NCKAP5: variants seen among roughly 807,000 people sequenced by gnomAD.
NCKAP5 encodes the protein NCK associated protein 5, also known as nck-associated protein 5.
Under a neutral mutation model 167.0 loss-of-function variants are expected in NCKAP5, and 92 were observed. The ratio of observed to expected loss-of-function variants is 0.55; its 90% CI spans 0.47 to 0.66. The LOEUF (loss-of-function observed/expected upper bound fraction) is 0.66, where lower values mean the gene tolerates loss of function less well. Ranked by LOEUF, NCKAP5 falls within the 30% of genes least tolerant of loss-of-function variation. The pLI is 0.00. For missense variants in NCKAP5, 2,378 were observed against 2,315.0 expected (o/e 1.03, Z -0.56); for synonymous variants, 891 against 877.4 (o/e 1.02, Z -0.27).
the NCKAP5 span, among the ~76,000 whole-genome samples, chr2:133,622,765 A>G: frequency 6.6e-6 from 1 of 152,106 alleles, no homozygotes; most frequent in Admixed American, 6.6e-5. Context: ...TGCAGTTCTC[A>G]TGACAATACC....
chr2:133,269,301 A>G (rs1199812070), intron 4 of NCKAP5, among the ~76,000 whole-genome samples: 1 of 152,234 alleles, frequency 6.6e-6, no homozygotes, highest in Non-Finnish European at 1.5e-5. Context: ...AAAAGAGTAC[A>G]TAAGTAAATT....
intron 4 of NCKAP5, among the ~76,000 whole-genome samples, chr2:133,263,395 C>T (rs1341892291): frequency 6.6e-6 from 1 of 151,872 alleles, no homozygotes; most frequent in Non-Finnish European, 1.5e-5. Flanking sequence ...CAGACCTTGC[C>T]CTAGGATTAC....
Position 132,783,895 on chromosome 2 carries a change from C to A in NCKAP5, c.2916G>T (p.Pro972=). The change falls in exon 14 of 20, where the codon CCG becomes CCT. Residue 972 remains proline (P), a synonymous_variant. Transcript: ENST00000409261. ...SETARTPFKS[P]LLKGISAPVI... ...CTGGAGCAGAAATTCCTTTCAGCAG[C>A]GGGGATTTGAATGGGGTCCTTGCTG... 6.5e-7 allele frequency: 1 copy of A among 1,541,808 alleles called. No individual in the cohort carries two copies. Among genetic ancestry groups the A allele is most frequent in the Non-Finnish European group, 8.7e-7 (1 of 1,148,602 alleles).
chr2:133,566,612 C>G (rs566021312), intron 1 of NCKAP5, among the ~76,000 whole-genome samples: 3 of 152,242 alleles, frequency 2.0e-5, no homozygotes, highest in Admixed American at 6.5e-5. Flanking sequence ...CGTGTGGGTC[C>G]CATTTCTTTT....
chr2:133,324,246 G>C (rs1199206919), intron 3 of NCKAP5, among the ~76,000 whole-genome samples: 1 of 152,204 alleles, frequency 6.6e-6, no homozygotes. Context: ...TGGCTCAAGG[G>C]AATCATAAAC....
At chr2:132,896,394 C>T (rs190710689) in intron 8 of NCKAP5, among the ~76,000 whole-genome samples, 175 of 152,310 alleles carry the variant, frequency 1.1e-3, no homozygotes, top group South Asian at 1.7e-3. Flanking sequence ...TCATACACCA[C>T]CCTTGTTCCT....
chr2:133,240,484 G>C (rs920945940), intron 4 of NCKAP5, among the ~76,000 whole-genome samples: 29 of 152,236 alleles, frequency 1.9e-4, no homozygotes, highest in African/African-American at 7.0e-4. Flanking sequence ...CTGCATAACT[G>C]ATTTATTTTT....
chr2:133,457,253 A>G (rs1691916065), intron 3 of NCKAP5, among the ~76,000 whole-genome samples: 1 of 152,188 alleles, frequency 6.6e-6, no homozygotes, highest in Admixed American at 6.5e-5. Flanking sequence ...TAATCATGTA[A>G]TCATCTTTCC....
chr2:133,531,781 T>A (rs968795841), intron 2 of NCKAP5, among the ~76,000 whole-genome samples: 6 of 152,224 alleles, frequency 3.9e-5, no homozygotes, highest in African/African-American at 1.4e-4. Context: ...GTTTCATTTT[T>A]AAAAAGTTAA....
chr2:133,607,454 G>T, the NCKAP5 span, among the ~76,000 whole-genome samples: 1 of 152,088 alleles, frequency 6.6e-6, no homozygotes, highest in African/African-American at 2.4e-5. Context: ...CTCTGTTAGA[G>T]AAATTGACTC....
chr2:133,559,622 G>A (rs1308374444), intron 1 of NCKAP5, among the ~76,000 whole-genome samples: 1 of 152,154 alleles, frequency 6.6e-6, no homozygotes, highest in Non-Finnish European at 1.5e-5. Flanking sequence ...CCCAGCTACT[G>A]TTGAAATTAC....
chr2:133,366,126 C>G (rs1685444120), intron 3 of NCKAP5, among the ~76,000 whole-genome samples: 1 of 152,042 alleles, frequency 6.6e-6, no homozygotes, highest in Admixed American at 6.6e-5. Context: ...TTTGTGAGCA[C>G]ATTTTTTGAT....
intron 8 of NCKAP5, among the ~76,000 whole-genome samples, chr2:132,942,047 T>C (rs1697339535): frequency 6.6e-6 from 1 of 152,182 alleles, no homozygotes; most frequent in South Asian, 2.1e-4. Context: ...TTAATTTTGG[T>C]AAGTCAACAA....
intron 19 of NCKAP5, among the ~76,000 whole-genome samples, chr2:132,690,276 A>C (rs1386966819): frequency 6.6e-6 from 1 of 152,182 alleles, no homozygotes; most frequent in Admixed American, 6.5e-5. Flanking sequence ...ATCAGTGAGC[A>C]TAAGTGTTCT....
intron 1 of NCKAP5, among the ~76,000 whole-genome samples, chr2:133,567,372 G>A (rs552454230): frequency 7.2e-5 from 11 of 152,022 alleles, no homozygotes; most frequent in African/African-American, 2.4e-4. Context: ...CCAGGCTGGC[G>A]GCATACATGA....
intron 4 of NCKAP5, among the ~76,000 whole-genome samples, chr2:133,294,410 T>C (rs548922217): frequency 6.6e-6 from 1 of 152,314 alleles, no homozygotes; most frequent in East Asian, 1.9e-4. Flanking sequence ...TTCAAGAGGC[T>C]CTGGGCCTGA....
At chr2:133,005,141 C>T (rs553095176) in intron 6 of NCKAP5, among the ~76,000 whole-genome samples, 1 of 152,272 alleles carries the variant, frequency 6.6e-6, no homozygotes, top group South Asian at 2.1e-4. Flanking sequence ...AGGCAACATA[C>T]ATCCTCAGCT....
At chr2:133,534,472 C>T (rs1685600593) in intron 2 of NCKAP5, among the ~76,000 whole-genome samples, 1 of 152,070 alleles carries the variant, frequency 6.6e-6, no homozygotes, top group East Asian at 1.9e-4. Context: ...ACCCCATACG[C>T]ATCAGCAGTG....
chr2:133,009,436 C>T (rs1293622691), intron 6 of NCKAP5, among the ~76,000 whole-genome samples: 2 of 151,942 alleles, frequency 1.3e-5, no homozygotes, highest in African/African-American at 4.8e-5. Flanking sequence ...TATTGATTTA[C>T]CTCATTTGAG....
Sources: gnomAD v4.1 joint callset for allele counts (sites outside exome capture counted in the v4.1 genomes callset) on GRCh38, gnomAD v4.1.1 for gene constraint, MANE v1.5 for transcripts, NCBI Gene and HGNC (gene_info 2026-07-23, HGNC 2026-07-21) for gene names.